Variants in SLC16A7 observed in about 807,000 individuals in gnomAD.
SLC16A7 encodes the protein solute carrier family 16 member 7, also known as monocarboxylate transporter 2.
A neutral mutation model predicts 34.9 loss-of-function variants in SLC16A7; 33 were observed. The ratio of observed to expected loss-of-function variants is 0.94; its 90% CI spans 0.72 to 1.26. The LOEUF (loss-of-function observed/expected upper bound fraction) is 1.26. Ranked by LOEUF, SLC16A7 falls within the 50% of genes most tolerant of loss-of-function variation. The probability of loss-of-function intolerance (pLI) is 0.00; values close to 1 mark genes in which losing one functional copy is unlikely to be tolerated. For synonymous variants in SLC16A7, 201 were observed against 206.6 expected (o/e 0.97, Z 0.23); for missense variants, 573 against 578.1 (o/e 0.99, Z 0.09).
intron 2 of SLC16A7, among the ~76,000 whole-genome samples, chr12:59,699,007 C>A (rs545733457): frequency 6.6e-6 from 1 of 151,808 alleles, no homozygotes; most frequent in African/African-American, 2.4e-5. Flanking sequence ...ACATGTATAA[C>A]TGAAGCTATA....
rs1449639636 is a variant in SLC16A7 at position 59,787,252 on chromosome 12, TG to T, written c.*7574del. On this transcript the variant is annotated 3_prime_UTR_variant, in exon 6 of 6. Transcript: ENST00000547379. ...TATTAAATTGTATGCAAGAAATTAT[TG>T]CCATAGCATAGTCTTGAGGAGAACA... 6.6e-6 allele frequency: 1 copy of T among 152,188 alleles called. No individual in the cohort carries two copies. The highest frequency in any genetic ancestry group is 1.5e-5 in the Non-Finnish European group (1 of 68,040). 9.4% of individuals were successfully genotyped at this position (152,188 alleles called of 1,614,324 possible).
chr12:59,653,479 T>C (rs1868387228), intron 1 of SLC16A7, among the ~76,000 whole-genome samples: 1 of 151,664 alleles, frequency 6.6e-6, no homozygotes, highest in South Asian at 2.1e-4. Context: ...TAGTGGTAGC[T>C]ACTGAATCAG....
chr12:59,629,198 T>C (rs969450565), intron 1 of SLC16A7, among the ~76,000 whole-genome samples: 1 of 151,808 alleles, frequency 6.6e-6, no homozygotes, highest in Admixed American at 6.6e-5. Context: ...CCTAATCCCC[T>C]TCCAAAGGCC....
At chr12:59,678,071 G>A (rs1326311807) in intron 2 of SLC16A7, among the ~76,000 whole-genome samples, 9 of 152,204 alleles carry the variant, frequency 5.9e-5, no homozygotes, top group Non-Finnish European at 1.3e-4. Flanking sequence ...GAGTGAGCAA[G>A]TGTGGGGCTC....
intron 3 of SLC16A7, among the ~76,000 whole-genome samples, chr12:59,750,105 A>G (rs763766167): frequency 3.9e-5 from 6 of 152,222 alleles, no homozygotes; most frequent in African/African-American, 9.6e-5. Context: ...TTTAAACCAT[A>G]AAAACCCTAG....
chr12:59,749,862 C>G (rs904547440), intron 3 of SLC16A7, among the ~76,000 whole-genome samples: 2 of 152,136 alleles, frequency 1.3e-5, no homozygotes, highest in African/African-American at 4.8e-5. Flanking sequence ...TAATAAAAAT[C>G]ACACCAGAGT....
chr12:59,708,501 T>TA (rs917563463), intron 3 of SLC16A7, among the ~76,000 whole-genome samples: 16 of 152,108 alleles, frequency 1.1e-4, no homozygotes, highest in African/African-American at 3.9e-4. Flanking sequence ...TTGATGATTA[T>TA]AAAAAAAATT....
chr12:59,604,771 C>G (rs571539693), intron 1 of SLC16A7, among the ~76,000 whole-genome samples: 60 of 152,248 alleles, frequency 3.9e-4, no homozygotes, highest in African/African-American at 1.4e-3. Context: ...CAAAATGTAC[C>G]TTTTCAATAG....
intron 1 of SLC16A7, among the ~76,000 whole-genome samples, chr12:59,612,329 T>C (rs1282136192): frequency 2.0e-5 from 3 of 152,154 alleles, no homozygotes; most frequent in African/African-American, 7.2e-5. Context: ...GCTTGAGCTG[T>C]AACTTGACCC....
chr12:59,764,033 G>A (rs1881289388), intron 3 of SLC16A7: 1 of 152,186 alleles, frequency 6.6e-6, no homozygotes, highest in African/African-American at 2.4e-5. Context: ...AAGTGTTCAA[G>A]TGAAAGGAAG....
chr12:59,619,875 C>A (rs1048794100), intron 1 of SLC16A7, among the ~76,000 whole-genome samples: 9 of 151,970 alleles, frequency 5.9e-5, no homozygotes, highest in African/African-American at 2.2e-4. Flanking sequence ...CTTTTTTAAT[C>A]CATACACCTG....
intron 2 of SLC16A7, among the ~76,000 whole-genome samples, chr12:59,704,475 T>A (rs912526620): frequency 6.6e-6 from 1 of 152,106 alleles, no homozygotes; most frequent in African/African-American, 2.4e-5. Flanking sequence ...GACTGATGTA[T>A]AATGTAAAAT....
intron 2 of SLC16A7, among the ~76,000 whole-genome samples, chr12:59,691,907 C>T (rs1871703772): frequency 6.6e-6 from 1 of 151,946 alleles, no homozygotes; most frequent in African/African-American, 2.4e-5. Flanking sequence ...CTTTGTAGTG[C>T]AGTTGCTTGG....
At chr12:59,614,869 G>C (rs1266420358) in intron 1 of SLC16A7, among the ~76,000 whole-genome samples, 1 of 150,006 alleles carries the variant, frequency 6.7e-6, no homozygotes, top group East Asian at 1.9e-4. Context: ...CAGGCGTGGT[G>C]GTGGGCACCT....
At chr12:59,668,011 G>A (rs1869353449) in intron 2 of SLC16A7, among the ~76,000 whole-genome samples, 1 of 152,232 alleles carries the variant, frequency 6.6e-6, no homozygotes, top group Admixed American at 6.5e-5. Flanking sequence ...TGGATACACA[G>A]AAGTCAAGAA....
At chr12:59,744,105 G>GA (rs1252199689) in intron 3 of SLC16A7, among the ~76,000 whole-genome samples, 1 of 152,204 alleles carries the variant, frequency 6.6e-6, no homozygotes, top group Non-Finnish European at 1.5e-5. Context: ...ATAGGGACTG[G>GA]AGGCAGGGAA....
chr12:59,737,021 T>C (rs1592606529), intron 3 of SLC16A7, among the ~76,000 whole-genome samples: 1 of 152,346 alleles, frequency 6.6e-6, no homozygotes, highest in East Asian at 1.9e-4. Context: ...ATATTGGAGA[T>C]TGCATGTTGT....
At chr12:59,762,458 G>A (rs1881119076) in intron 3 of SLC16A7, among the ~76,000 whole-genome samples, 1 of 152,018 alleles carries the variant, frequency 6.6e-6, no homozygotes, top group African/African-American at 2.4e-5. Context: ...GCTGTTGCTT[G>A]TGTATTATTT....
chr12:59,641,597 T>C lies in SLC16A7; in HGVS notation c.-129-13555T>C, dbSNP rs1233168449. Reference sequence around the variant, plus strand: ...GTATCAGCATAGGAAACAAAATTAGTCCGTTGTACAAAATATTGCCTTTGT... The same window carrying C: ...GTATCAGCATAGGAAACAAAATTAGCCCGTTGTACAAAATATTGCCTTTGT... On this transcript the variant is annotated intron_variant, in intron 1 of 5. Transcript: ENST00000547379. Among the ~76,000 whole-genome samples the C allele has an allele frequency of 2.0e-5, 3 of 152,006 alleles. No individual in the cohort carries two copies. In the East Asian group the frequency reaches 5.8e-4, roughly 29 times the overall value.
Sources: allele counts gnomAD v4.1 joint callset (sites outside exome capture counted in the v4.1 genomes callset), GRCh38; gene constraint gnomAD v4.1.1; transcripts MANE v1.5; gene names NCBI Gene and HGNC (gene_info 2026-07-23, HGNC 2026-07-21).